Variants in SCAF11 observed in about 807,000 individuals in gnomAD.
SCAF11 encodes the protein SR-related CTD associated factor 11.
Under a neutral mutation model 140.5 loss-of-function variants are expected in SCAF11, and 47 were observed. The ratio of observed to expected loss-of-function variants is 0.33; its 90% CI spans 0.26 to 0.43. The LOEUF is 0.43. Ranked by LOEUF, SCAF11 falls within the 20% of genes least tolerant of loss-of-function variation. SCAF11 has a pLI of 1.00. For missense variants in SCAF11, 1,645 were observed against 1,705.1 expected, an observed-to-expected ratio of 0.96 and a Z score of 0.62; for synonymous variants, 557 against 579.4, an observed-to-expected ratio of 0.96 and a Z score of 0.55.
chr12:45,937,219 T>C (rs1679819369), intron 6 of SCAF11, among the ~76,000 whole-genome samples: 1 of 152,188 alleles, frequency 6.6e-6, no homozygotes, highest in Non-Finnish European at 1.5e-5. Context: ...TATCCTATCA[T>C]CTCTTTTTTA....
At chr12:45,973,028 A>G (rs1246290876) in intron 1 of SCAF11, among the ~76,000 whole-genome samples, 1 of 146,318 alleles carries the variant, frequency 6.8e-6, no homozygotes, top group African/African-American at 2.5e-5. Flanking sequence ...ATAGATATAT[A>G]GATATAGATA....
In SCAF11 at chr12:45,953,796, C is replaced by T. The variant is rs978524323; in HGVS notation, c.220-2069G>A. 6.8e-6 allele frequency: 4 copies of T among 584,640 alleles called. No homozygotes were observed. In the Admixed American group the frequency reaches 8.5e-5, roughly 12 times the overall value. The allele number at this position is 584,640 out of a possible 1,614,324, so 36.2% of individuals were successfully genotyped here. ...TACAGTCTCTCTGTGCCTCAGTAAC[C>T]TTATTTGTGAAAATGAGAAAAAATA... On this transcript the variant is annotated intron_variant, in intron 3 of 14. Coordinates refer to ENST00000369367, the MANE Select transcript of SCAF11 (RefSeq NM_004719.3).
rs1469541625 is a variant in SCAF11 at position 45,922,964 on chromosome 12, G to A, written c.4097C>T (p.Ala1366Val). Reference sequence around the variant, plus strand: ...GTCTGTCTTCGAGCTATCTGCGCTGGCTTCCACTGCAACACTTACTTTGCT... The same window carrying A: ...GTCTGTCTTCGAGCTATCTGCGCTGACTTCCACTGCAACACTTACTTTGCT... Reference protein sequence around the residue: ...AESKVSVAVEASADSSKTDKK... With the variant: ...AESKVSVAVEVSADSSKTDKK... The change falls in exon 13 of 15, where the codon GCC becomes GTC. Residue 1366 changes from alanine to valine, a missense_variant. Physicochemically the swap from Ala to Val is moderately conservative, Grantham distance 64. Transcript: ENST00000369367. 1.2e-6 allele frequency: 2 copies of A among 1,613,998 alleles called. No homozygotes were observed. The highest frequency in any genetic ancestry group is 2.2e-5 in the East Asian group (1 of 44,890).
chr12:45,955,301 C>A (rs1413306125), intron 3 of SCAF11: 1 of 152,162 alleles, frequency 6.6e-6, no homozygotes, highest in African/African-American at 2.4e-5. Context: ...GGACTACAGG[C>A]ACGCACCACC....
At chr12:45,991,098 C>T (rs1946598575), upstream of SCAF11, among the ~76,000 whole-genome samples, 1 of 152,242 alleles carries the variant, frequency 6.6e-6, no homozygotes. Context: ...ATTGAGTGTT[C>T]ACCTGGCTGC....
intron 3 of SCAF11, chr12:45,954,931 T>C (rs1417295393): frequency 4.1e-5 from 5 of 122,378 alleles, no homozygotes; most frequent in Non-Finnish European, 2.0e-5. Flanking sequence ...CTGAGTAAGA[T>C]TCCCCCCCTT....
At chr12:45,991,954 G>A (rs547240798), upstream of SCAF11, 875 of 1,289,274 alleles carry the variant, frequency 6.8e-4, 3 homozygotes, top group African/African-American at 0.012. Context: ...CTGTTCGCGC[G>A]TGCTGCGCTC....
chr12:45,985,771 A>G (rs1450534458), intron 1 of SCAF11, among the ~76,000 whole-genome samples: 1 of 152,234 alleles, frequency 6.6e-6, no homozygotes, highest in Non-Finnish European at 1.5e-5. Flanking sequence ...ATACTTTTAG[A>G]TCTAGTTAAG....
rs1220210238 is a variant in SCAF11 at position 45,926,183 on chromosome 12, T to C, written c.3518A>G (p.Gln1173Arg). ...SRRGRNSSGP[Q>R]SGWMKQEEET... ...CTCCTCTTGTTTCATCCATCCAGAC[T>C]GTGGACCTGAAGAATTTCTGCCTCG... Residue 1173 changes from glutamine to arginine, a missense_variant, in exon 11 of 15, where the codon CAG (glutamine) becomes CGG (arginine). Coordinates refer to ENST00000369367, the MANE Select transcript of SCAF11 (RefSeq NM_004719.3). 4 of 1,614,178 alleles carry C rather than the reference T, an allele frequency of 2.5e-6. No homozygotes were observed. Among genetic ancestry groups the C allele is most frequent in the Non-Finnish European group, 3.4e-6 (4 of 1,180,008 alleles).
At chr12:45,965,281 C>T (rs1238199478) in intron 1 of SCAF11, among the ~76,000 whole-genome samples, 1 of 152,024 alleles carries the variant, frequency 6.6e-6, no homozygotes, top group South Asian at 2.1e-4. Context: ...AAGTAACTGG[C>T]TGTGAAGTAT....
intron 4 of SCAF11, among the ~76,000 whole-genome samples, chr12:45,949,939 C>T (rs1323944987): frequency 6.6e-6 from 1 of 151,950 alleles, no homozygotes; most frequent in African/African-American, 2.4e-5. Flanking sequence ...AATGAAGATC[C>T]TATGAGTCCT....
chr12:45,983,040 C>T (rs1592228567), intron 1 of SCAF11, among the ~76,000 whole-genome samples: 1 of 152,046 alleles, frequency 6.6e-6, no homozygotes, highest in African/African-American at 2.4e-5. Context: ...GAGTAACTAA[C>T]GACTGAGGCA....
chr12:45,936,819 G>A (rs867671588), intron 6 of SCAF11, among the ~76,000 whole-genome samples: 4 of 152,172 alleles, frequency 2.6e-5, no homozygotes, highest in African/African-American at 9.7e-5. Context: ...ACATCCTCCA[G>A]CAGAAGTGGA....
At chr12:45,937,968 C>CACAGATAATG (rs1420299901) in intron 6 of SCAF11, among the ~76,000 whole-genome samples, 1 of 152,190 alleles carries the variant, frequency 6.6e-6, no homozygotes, top group African/African-American at 2.4e-5. Flanking sequence ...TCTCTGCCTT[C>CACAGATAATG]ACAGATAATG....
chr12:45,934,405 T>C, intron 7 of SCAF11, 42 bp downstream of exon 7: 1 of 1,473,964 alleles, frequency 6.8e-7, no homozygotes, highest in Non-Finnish European at 9.3e-7. Context: ...AACCCTAAAG[T>C]GTTATCATCT....
chr12:45,927,110 G>T lies in SCAF11; in HGVS notation c.2591C>A (p.Ser864Tyr). The T allele has an allele frequency of 6.2e-7, 1 of 1,614,134 alleles. No homozygotes were observed. The highest frequency in any genetic ancestry group is 8.5e-7 in the Non-Finnish European group (1 of 1,180,008). Residue 864 changes from serine to tyrosine, a missense_variant, in exon 11 of 15, where the codon TCT (serine) becomes TAT (tyrosine). By Grantham distance (144) the Ser-to-Tyr change is moderately radical (BLOSUM62 -2). Coordinates refer to ENST00000369367, the MANE Select transcript of SCAF11 (RefSeq NM_004719.3). Reference sequence around the variant, plus strand: ...AGTAGTATCCCTTTTTGGAGACCGAGACTGAGATTGCCTCCTTTCTCTTGC... The same window carrying T: ...AGTAGTATCCCTTTTTGGAGACCGATACTGAGATTGCCTCCTTTCTCTTGC... ...DIARERRQSQ[S>Y]RSPKRDTTRE...
intron 6 of SCAF11, among the ~76,000 whole-genome samples, chr12:45,943,388 CAAG>C (rs971362430): frequency 1.2e-4 from 18 of 152,108 alleles, no homozygotes; most frequent in African/African-American, 4.3e-4. Flanking sequence ...ACCTTCATCA[CAAG>C]AAGAGTAAGA....
At chr12:45,965,259 T>G (rs151289562) in intron 1 of SCAF11, among the ~76,000 whole-genome samples, 1 of 152,230 alleles carries the variant, frequency 6.6e-6, no homozygotes, top group African/African-American at 2.4e-5. Context: ...AGCAGAGATA[T>G]TTGCATAGCT....
Position 45,922,127 on chromosome 12 carries a change from T to C in SCAF11, c.4313A>G (p.Asp1438Gly), listed in dbSNP as rs1188591498. The C allele has an allele frequency of 6.2e-7, 1 of 1,613,930 alleles. No individual in the cohort carries two copies. The highest frequency in any genetic ancestry group is 8.5e-7 in the Non-Finnish European group (1 of 1,179,928). ...KVANLVKAYVDKYKYSRKGSQ... is the reference protein window; with the variant it reads ...KVANLVKAYVGKYKYSRKGSQ... ...CCCCTTCCGTGAATATTTGTATTTG[T>C]CTACATAGGCTTTAACCAGATTTGC... Residue 1438 changes from aspartate (D) to glycine (G), a missense_variant, in exon 15 of 15, where the codon GAC becomes GGC. By Grantham distance (94) the Asp-to-Gly change is moderately conservative (BLOSUM62 -1). Transcript: ENST00000369367.
Sources: allele counts gnomAD v4.1 joint callset (sites outside exome capture counted in the v4.1 genomes callset), GRCh38; gene constraint gnomAD v4.1.1; transcripts MANE v1.5; gene names NCBI Gene and HGNC (gene_info 2026-07-23, HGNC 2026-07-21).